PCNT: variants seen among roughly 807,000 people sequenced by gnomAD.
PCNT encodes the protein kendrin.
In PCNT, 319 loss-of-function variants were observed where a neutral mutation model predicts 380.4. The ratio of observed to expected loss-of-function variants is 0.84; its 90% CI spans 0.77 to 0.92. PCNT has a LOEUF of 0.92. Among genes scored for constraint, PCNT ranks in the 40% least tolerant of loss-of-function variants. The pLI is 0.00. For missense variants in PCNT, 4,400 were observed against 4,255.3 expected (o/e 1.03, Z -0.95); for synonymous variants, 1,845 against 1,735.2 (o/e 1.06, Z -1.57).
rs1307496747 is a variant in PCNT at position 46,363,626 on chromosome 21, A to C, written c.2301A>C (p.Leu767Phe). ...TACAGCGGGAAGCTGAGGAGAAGTT[A>C]ACATTGATGCTACTTGAACTGAGAG... Reference protein sequence around the residue: ...EELQREAEEKLTLMLLELREK... With the variant: ...EELQREAEEKFTLMLLELREK... The change falls in exon 14 of 47, where the codon TTA becomes TTC. Residue 767 changes from leucine to phenylalanine, a missense_variant. Physicochemically the swap from Leu to Phe is conservative, Grantham distance 22. Coordinates refer to ENST00000359568, the MANE Select transcript of PCNT (RefSeq NM_006031.6). 1 of 1,614,130 alleles carries C rather than the reference A, an allele frequency of 6.2e-7. No homozygotes were observed. The highest frequency in any genetic ancestry group is 1.7e-5 in the Admixed American group (1 of 60,012).
At chr21:46,417,349 C>G (rs1298511915) in intron 30 of PCNT, among the ~76,000 whole-genome samples, 1 of 151,966 alleles carries the variant, frequency 6.6e-6, no homozygotes, top group Non-Finnish European at 1.5e-5. Context: ...CACACGCCAC[C>G]ACACCCGGCT....
At chr21:46,441,982 G>A (rs1212959318) in intron 43 of PCNT, among the ~76,000 whole-genome samples, 4 of 152,178 alleles carry the variant, frequency 2.6e-5, no homozygotes, top group Admixed American at 1.3e-4. Flanking sequence ...CTAGCAGGGC[G>A]TCTGGGGCCC....
At chr21:46,387,766 G>C (rs1206777572) in intron 17 of PCNT, among the ~76,000 whole-genome samples, 2 of 152,152 alleles carry the variant, frequency 1.3e-5, no homozygotes, top group Non-Finnish European at 2.9e-5. Flanking sequence ...GGCTCTCTGG[G>C]GACAGAGCTG....
chr21:46,436,288 T>C (rs930288817), intron 39 of PCNT, 140 bp downstream of exon 39: 22 of 974,954 alleles, frequency 2.3e-5, no homozygotes, highest in Non-Finnish European at 3.4e-5. Context: ...TTCTGAGACT[T>C]TGCTGAGGGA....
rs547497950 is a variant in PCNT at position 46,441,093 on chromosome 21, C to G, written c.9623+9C>G. ...GTCATTGCAATATTAAGGTAAATGCCATGACGTTCAGTCAGTGCGTTCCGC... is the reference window on the plus strand; with the variant it reads ...GTCATTGCAATATTAAGGTAAATGCGATGACGTTCAGTCAGTGCGTTCCGC... On this transcript the variant is annotated intron_variant, in intron 43 of 46. Coordinates refer to ENST00000359568, the MANE Select transcript of PCNT (RefSeq NM_006031.6). 6.5e-7 allele frequency: 1 copy of G among 1,545,324 alleles called. No individual in the cohort carries two copies. The highest frequency in any genetic ancestry group is 1.7e-5 in the Admixed American group (1 of 59,928).
intron 33 of PCNT, among the ~76,000 whole-genome samples, chr21:46,426,480 G>GC (rs1342359057): frequency 2.6e-5 from 4 of 152,216 alleles, no homozygotes; most frequent in Non-Finnish European, 4.4e-5. Flanking sequence ...GGGCTTTCAG[G>GC]CCTGTGCCCT....
rs1339599383 is a variant in PCNT at position 46,353,195 on chromosome 21, G to A, written c.1548G>A (p.Leu516=). ...QREKTQHESE[L]EQLRIYFEKK... is the part of the protein sequence containing the mutation. ...AAAAAACCCAGCATGAGTCCGAACT[G>A]GAGCAACTGAGGATTTATTTTGAAA... Residue 516 remains leucine, a synonymous_variant, in exon 10 of 47, where the codon CTG becomes CTA. Coordinates refer to ENST00000359568, the MANE Select transcript of PCNT (RefSeq NM_006031.6). 1.9e-6 allele frequency: 3 copies of A among 1,614,142 alleles called. No homozygotes were observed. Among genetic ancestry groups the A allele is most frequent in the Non-Finnish European group, 2.5e-6 (3 of 1,180,016 alleles).
chr21:46,331,081 T>C (rs570977433), intron 2 of PCNT, among the ~76,000 whole-genome samples: 121 of 152,250 alleles, frequency 7.9e-4, no homozygotes, highest in Non-Finnish European at 1.5e-3. Flanking sequence ...GGAGAAGTTA[T>C]TGTGCTTTCC....
At chr21:46,398,160 G>A (rs755176816) in intron 23 of PCNT, 30 bp downstream of exon 23, 1 of 1,605,194 alleles carries the variant, frequency 6.2e-7, no homozygotes, top group Non-Finnish European at 8.5e-7. Context: ...AGTGCTGCTG[G>A]TTGCTGTCTT....
At position 46,416,889 on chromosome 21, in the gene PCNT, C is replaced by T. The variant is rs375214159; in HGVS notation, c.6921+50C>T. On this transcript the variant is annotated intron_variant, in intron 30 of 46. Coordinates refer to ENST00000359568, the MANE Select transcript of PCNT (RefSeq NM_006031.6). Reference sequence around the variant, plus strand: ...CCTGCTGTTCCCGTGGGAATGTGGTCTGCCCGGCGCCACGGCAGCTGCCAT... The same window carrying T: ...CCTGCTGTTCCCGTGGGAATGTGGTTTGCCCGGCGCCACGGCAGCTGCCAT... 6.2e-5 allele frequency: 98 copies of T among 1,569,982 alleles called. No homozygotes were observed. In the African/African-American group the frequency reaches 1.2e-3, roughly 19 times the overall value.
At position 46,363,810 on chromosome 21, in the gene PCNT, A is replaced by C; in HGVS notation, c.2485A>C (p.Thr829Pro). ...GRLQQLEQDL[T>P]SDDALHCSQC... ...CCTGCAGCAGCTGGAACAGGACCTC[A>C]CTTCAGACGACGCCCTGCATTGCAG... Residue 829 changes from threonine to proline, a missense_variant, in exon 14 of 47, where the codon ACT becomes CCT. Coordinates refer to ENST00000359568, the MANE Select transcript of PCNT (RefSeq NM_006031.6). 6.2e-7 allele frequency: 1 copy of C among 1,612,962 alleles called. No homozygotes were observed. Among genetic ancestry groups the C allele is most frequent in the Non-Finnish European group, 8.5e-7 (1 of 1,179,336 alleles).
At chr21:46,385,715 G>A (rs1049805273) in intron 16 of PCNT, 117 bp from the exon 17 acceptor site, 1 of 1,123,316 alleles carries the variant, frequency 8.9e-7, no homozygotes, top group Non-Finnish European at 1.4e-6. Context: ...CCATCACCAA[G>A]CTGAAAAGTC....
At position 46,416,472 on chromosome 21, in the gene PCNT, G is replaced by T; in HGVS notation, c.6554G>T (p.Cys2185Phe). ...PDSPIQEKSECQDMSLSSPTS... is the reference protein window; with the variant it reads ...PDSPIQEKSEFQDMSLSSPTS... ...TCTCCCATTCAAGAAAAATCAGAAT[G>T]TCAGGACATGTCTCTTTCTTCACCG... is the stretch of plus-strand genomic sequence containing the variant. Residue 2185 changes from cysteine to phenylalanine, a missense_variant, in exon 30 of 47, where the codon TGT (cysteine) becomes TTT (phenylalanine). By Grantham distance (205) the Cys-to-Phe change is radical (BLOSUM62 -2). Coordinates refer to ENST00000359568, the MANE Select transcript of PCNT (RefSeq NM_006031.6). 1 of 1,614,172 alleles carries T rather than the reference G, an allele frequency of 6.2e-7. No individual in the cohort carries two copies. Among genetic ancestry groups the T allele is most frequent in the Non-Finnish European group, 8.5e-7 (1 of 1,180,040 alleles).
chr21:46,356,192 G>C (rs1371035274), intron 12 of PCNT, among the ~76,000 whole-genome samples: 1 of 152,216 alleles, frequency 6.6e-6, no homozygotes, highest in Non-Finnish European at 1.5e-5. Context: ...GGCGTGGACT[G>C]TGCTGATGGT....
chr21:46,411,464 A>C lies in PCNT; in HGVS notation c.5391A>C (p.Glu1797Asp). The change falls in exon 28 of 47, where the codon GAA becomes GAC. Residue 1797 changes from glutamate to aspartate, a missense_variant. Transcript: ENST00000359568. ...ALQGELEAAL[E>D]AKEALSRLLA... ...AGGGCGAGCTCGAGGCTGCGCTGGAAGCCAAGGAGGCCCTGAGCCGGCTGC... is the reference window on the plus strand; with the variant it reads ...AGGGCGAGCTCGAGGCTGCGCTGGACGCCAAGGAGGCCCTGAGCCGGCTGC... 6.2e-7 allele frequency: 1 copy of C among 1,610,550 alleles called. No homozygotes were observed. Among genetic ancestry groups the C allele is most frequent in the Non-Finnish European group, 8.5e-7 (1 of 1,179,124 alleles).
At chr21:46,442,606 C>T (rs991162310) in intron 44 of PCNT, 33 bp downstream of exon 44, 3 of 1,320,734 alleles carry the variant, frequency 2.3e-6, no homozygotes, top group African/African-American at 2.9e-5. Flanking sequence ...CCGCTGGACT[C>T]ACAAACCTTT....
At chr21:46,335,719 G>C (rs2083713721) in intron 3 of PCNT, among the ~76,000 whole-genome samples, 1 of 149,392 alleles carries the variant, frequency 6.7e-6, no homozygotes, top group Non-Finnish European at 1.5e-5. Flanking sequence ...TAGAGACGGA[G>C]TCTTGCTCTA....
chr21:46,437,479 C>T (rs113343057), intron 40 of PCNT, among the ~76,000 whole-genome samples: 8,285 of 152,250 alleles, frequency 0.054, 267 homozygotes, highest in Non-Finnish European at 0.064. Context: ...CTGGTGCTGG[C>T]GGCCGATGTT....
At chr21:46,378,430 A>G (rs1352188883) in intron 15 of PCNT, among the ~76,000 whole-genome samples, 1 of 152,130 alleles carries the variant, frequency 6.6e-6, no homozygotes, top group Non-Finnish European at 1.5e-5. Flanking sequence ...TAAATGAAGT[A>G]AAGGTGACTT....
Sources: allele counts gnomAD v4.1 joint callset (sites outside exome capture counted in the v4.1 genomes callset), GRCh38; gene constraint gnomAD v4.1.1; transcripts MANE v1.5; gene names NCBI Gene and HGNC (gene_info 2026-07-23, HGNC 2026-07-21).